RNLS: variants seen among roughly 807,000 people sequenced by gnomAD.
RNLS encodes renalase.
RNLS carries 39 observed loss-of-function variants against 39.8 expected under a neutral mutation model. The ratio of observed to expected loss-of-function variants is 0.98; its 90% CI spans 0.76 to 1.28. The LOEUF (loss-of-function observed/expected upper bound fraction) is 1.28, where lower values mean the gene tolerates loss of function less well. Among genes scored for constraint, RNLS ranks in the 50% most tolerant of loss-of-function variants. RNLS has a pLI of 0.00. For synonymous variants in RNLS, 147 were observed against 150.7 expected (o/e 0.98, Z 0.18); for missense variants, 410 against 413.3 (o/e 0.99, Z 0.07).
At chr10:88,330,578 A>G (rs1008414074) in intron 5 of RNLS, among the ~76,000 whole-genome samples, 7 of 152,178 alleles carry the variant, frequency 4.6e-5, no homozygotes, top group Non-Finnish European at 8.8e-5. Flanking sequence ...TCTGGTTGGT[A>G]CAATAAGATA....
At chr10:88,577,892 A>G (rs1209899646) in intron 3 of RNLS, among the ~76,000 whole-genome samples, 1 of 152,216 alleles carries the variant, frequency 6.6e-6, no homozygotes, top group East Asian at 1.9e-4. Flanking sequence ...GTTTGAACCT[A>G]TTCTAAAGCA....
At chr10:88,337,726 T>C (rs928429680) in intron 5 of RNLS, among the ~76,000 whole-genome samples, 1 of 152,212 alleles carries the variant, frequency 6.6e-6, no homozygotes, top group African/African-American at 2.4e-5. Flanking sequence ...GCTTTACTCC[T>C]GGATTTTTCA....
chr10:88,395,451 A>G (rs1194009181), intron 4 of RNLS, among the ~76,000 whole-genome samples: 2 of 152,074 alleles, frequency 1.3e-5, no homozygotes, highest in African/African-American at 4.8e-5. Context: ...GAGAAGTAAA[A>G]TAACAGAAGA....
intron 4 of RNLS, among the ~76,000 whole-genome samples, chr10:88,369,182 T>G (rs1033493415): frequency 2.0e-5 from 3 of 152,172 alleles, no homozygotes; most frequent in African/African-American, 7.2e-5. Flanking sequence ...ATTATAATAT[T>G]TACATGGATA....
chr10:88,196,850 C>T, the RNLS span, among the ~76,000 whole-genome samples: 6 of 152,170 alleles, frequency 3.9e-5, no homozygotes, highest in East Asian at 7.7e-4. Flanking sequence ...TCAATCCCCT[C>T]ATCTCTCCAG....
intron 4 of RNLS, among the ~76,000 whole-genome samples, chr10:88,510,873 A>G (rs1846079796): frequency 6.6e-6 from 1 of 150,944 alleles, no homozygotes; most frequent in African/African-American, 2.4e-5. Flanking sequence ...TTTACATAAT[A>G]AACCTTTATG....
chr10:88,417,936 A>G (rs530506726), intron 4 of RNLS, among the ~76,000 whole-genome samples: 1 of 152,230 alleles, frequency 6.6e-6, no homozygotes, highest in African/African-American at 2.4e-5. Context: ...TTGTATAATT[A>G]CTCACTTTCC....
intron 6 of RNLS, among the ~76,000 whole-genome samples, chr10:88,291,350 T>G (rs1233578204): frequency 6.6e-6 from 1 of 152,214 alleles, no homozygotes; most frequent in Non-Finnish European, 1.5e-5. Context: ...ATATACTGGT[T>G]ATCTAAGAAT....
chr10:88,321,949 A>G (rs569112882), intron 5 of RNLS, among the ~76,000 whole-genome samples: 1 of 152,220 alleles, frequency 6.6e-6, no homozygotes, highest in South Asian at 2.1e-4. Context: ...TCCCCAACTC[A>G]TTCTATGAAA....
At chr10:88,469,221 T>C (rs1381345346) in intron 4 of RNLS, among the ~76,000 whole-genome samples, 1 of 152,204 alleles carries the variant, frequency 6.6e-6, no homozygotes, top group Non-Finnish European at 1.5e-5. Flanking sequence ...ATAATGTGAT[T>C]CATGTCATTC....
intron 4 of RNLS, among the ~76,000 whole-genome samples, chr10:88,433,351 T>A (rs1292184384): frequency 6.6e-6 from 1 of 152,076 alleles, no homozygotes; most frequent in African/African-American, 2.4e-5. Flanking sequence ...CCATGAGGGT[T>A]CAGAGAGAGA....
At chr10:88,231,870 T>C in the RNLS span, among the ~76,000 whole-genome samples, 49 of 151,798 alleles carry the variant, frequency 3.2e-4, no homozygotes, top group African/African-American at 1.2e-3. Context: ...ACAAAAAAAA[T>C]TGGATGTATT....
chr10:88,235,868 G>A, the RNLS span, among the ~76,000 whole-genome samples: 7 of 151,220 alleles, frequency 4.6e-5, no homozygotes, highest in African/African-American at 1.7e-4. Context: ...GTCTTGTTCT[G>A]TTGCCTAGGC....
intron 4 of RNLS, among the ~76,000 whole-genome samples, chr10:88,448,685 A>G (rs1842188018): frequency 6.6e-6 from 1 of 152,260 alleles, no homozygotes; most frequent in African/African-American, 2.4e-5. Context: ...ATGCTGCTAT[A>G]TAGACACATG....
chr10:88,268,887 T>A (rs914189879), downstream of RNLS, among the ~76,000 whole-genome samples: 1 of 152,212 alleles, frequency 6.6e-6, no homozygotes, highest in Non-Finnish European at 1.5e-5. Flanking sequence ...CAATACAACA[T>A]GAAGCACTGA....
chr10:88,350,052 C>G (rs117836982), intron 5 of RNLS, among the ~76,000 whole-genome samples: 2 of 152,046 alleles, frequency 1.3e-5, no homozygotes, highest in East Asian at 3.9e-4. Flanking sequence ...AAACAAAAGC[C>G]CAAACGGGAA....
intron 4 of RNLS, among the ~76,000 whole-genome samples, chr10:88,385,653 T>G (rs1851815349): frequency 6.6e-6 from 1 of 152,196 alleles, no homozygotes; most frequent in Non-Finnish European, 1.5e-5. Context: ...TAGCCTCCTG[T>G]GCATACTCTA....
chr10:88,535,910 AAGAG>A lies in RNLS; in HGVS notation c.526+36989_526+36992del, dbSNP rs148649316. 9.8e-3 allele frequency among the ~76,000 whole-genome samples: 1,486 copies of A among 152,314 alleles called. 14 individuals carry two copies. Among genetic ancestry groups the A allele is most frequent in the Non-Finnish European group, 0.013 (859 of 68,010 alleles). On this transcript the variant is annotated intron_variant, in intron 4 of 6. Coordinates refer to ENST00000331772, the MANE Select transcript of RNLS (RefSeq NM_001031709.3). ...TGACTTAAAGGCTATTAAAGAAATA[AAGAG>A]AAAGTAGAGAGAAGAATAAAAGATA... is the stretch of plus-strand genomic sequence containing the variant.
the RNLS span, among the ~76,000 whole-genome samples, chr10:88,194,309 T>C: frequency 1.3e-5 from 2 of 152,192 alleles, no homozygotes; most frequent in East Asian, 1.9e-4. Context: ...CATGCTGAGA[T>C]TGTGATAGCC....
Sources: gnomAD v4.1 joint callset for allele counts (sites outside exome capture counted in the v4.1 genomes callset) on GRCh38, gnomAD v4.1.1 for gene constraint, MANE v1.5 for transcripts, NCBI Gene and HGNC (gene_info 2026-07-23, HGNC 2026-07-21) for gene names.